NAB1: variants seen among roughly 807,000 people sequenced by gnomAD.
NAB1 encodes NGFI-A binding protein 1.
NAB1 carries 25 observed loss-of-function variants against 49.9 expected under a neutral mutation model. The ratio of observed to expected loss-of-function variants is 0.50; its 90% CI spans 0.37 to 0.70. The LOEUF (loss-of-function observed/expected upper bound fraction) is 0.70, where lower values mean the gene tolerates loss of function less well. NAB1 is among the 30% of genes least tolerant of loss of function. The pLI is 0.00. For synonymous variants in NAB1, 198 were observed against 215.6 expected (o/e 0.92, Z 0.71); for missense variants, 489 against 575.9 (o/e 0.85, Z 1.54).
chr2:190,658,959 C>T (rs766628114), intron 3 of NAB1, 199 bp from the exon 4 acceptor site: 8 of 457,962 alleles, frequency 1.7e-5, no homozygotes, highest in Admixed American at 3.8e-5. Flanking sequence ...TGGGAAAGTA[C>T]GTCAGTTTAG....
At chr2:190,653,024 A>AGAC (rs1162698173) in intron 2 of NAB1, among the ~76,000 whole-genome samples, 1 of 152,214 alleles carries the variant, frequency 6.6e-6, no homozygotes, top group Non-Finnish European at 1.5e-5. Context: ...GTGTGGCCCA[A>AGAC]GACAATTCTT....
intron 4 of NAB1, 53 bp downstream of exon 4, chr2:190,660,048 G>A: frequency 2.7e-6 from 4 of 1,501,010 alleles, no homozygotes; most frequent in South Asian, 2.5e-5. Flanking sequence ...GTTGCTAGTC[G>A]TTAGAGATAA....
intron 3 of NAB1, among the ~76,000 whole-genome samples, chr2:190,658,628 A>G (rs1019705045): frequency 2.7e-4 from 41 of 152,284 alleles, no homozygotes; most frequent in East Asian, 1.9e-4. Flanking sequence ...ACTGAAATCT[A>G]TCTTCCTCTG....
Position 190,689,708 on chromosome 2 carries a change from G to C in NAB1, c.1376-537G>C, listed in dbSNP as rs1559257992. Reference sequence around the variant, plus strand: ...ATCCCTATTTCCCCTACCTTAATATGTCATTGTCGGAAGAACTTTAAAAAA... The same window carrying C: ...ATCCCTATTTCCCCTACCTTAATATCTCATTGTCGGAAGAACTTTAAAAAA... On this transcript the variant is annotated intron_variant, in intron 9 of 9. Transcript: ENST00000337386. The surrounding 1 kb of genome is among the most constrained non-coding windows in gnomAD (Gnocchi z 4.3). 6.6e-6 allele frequency among the ~76,000 whole-genome samples: 1 copy of C among 151,916 alleles called. No homozygotes were observed. The highest frequency in any genetic ancestry group is 1.5e-5 in the Non-Finnish European group (1 of 67,950).
At position 190,677,389 on chromosome 2, in the gene NAB1, T is replaced by A. The variant is rs988114374; in HGVS notation, c.1005+4237T>A. 6.6e-6 allele frequency: 1 copy of A among 152,198 alleles called. No individual in the cohort carries two copies. The allele number at this position is 152,198 out of a possible 1,614,324, so 9.4% of individuals were successfully genotyped here. ...TAGCTTAGGTGTGCCTTAAGGAACC[T>A]ACCATTTGGAATGAAATCTCTAGGG... On this transcript the variant is annotated intron_variant, in intron 6 of 9. Coordinates refer to ENST00000337386, the MANE Select transcript of NAB1 (RefSeq NM_005966.4). This position sits in a 1 kb window ranked among gnomAD's most constrained non-coding sequence, Gnocchi z 5.6.
rs745970121 is a variant in NAB1, at chr2:190,666,676, G to A, written c.820-3650G>A. On this transcript the variant is annotated intron_variant, in intron 4 of 9. Transcript: ENST00000337386. This position sits in a 1 kb window ranked among gnomAD's most constrained non-coding sequence, Gnocchi z 5.6. Reference sequence around the variant, plus strand: ...CCACTGCATTCCAGCCTGGGAGACAGAGTGAGACTCCATCTCAAAAAAAAA... The same window carrying A: ...CCACTGCATTCCAGCCTGGGAGACAAAGTGAGACTCCATCTCAAAAAAAAA... 6.6e-6 allele frequency among the ~76,000 whole-genome samples: 1 copy of A among 151,938 alleles called. No homozygotes were observed. Among genetic ancestry groups the A allele is most frequent in the East Asian group, 1.9e-4 (1 of 5,174 alleles).
rs1694324712 is a variant in NAB1, at chr2:190,663,407, C to G, written c.819+3412C>G. Among the ~76,000 whole-genome samples, 1 of 152,162 alleles carries G rather than the reference C, an allele frequency of 6.6e-6. No homozygotes were observed. The highest frequency in any genetic ancestry group is 2.4e-5 in the African/African-American group (1 of 41,428). ...GCAAACTAGGGTCTGTGTGCCCAGTCTCACTCACCTCCTGTTTTTATAAAT... is the reference window on the plus strand; with the variant it reads ...GCAAACTAGGGTCTGTGTGCCCAGTGTCACTCACCTCCTGTTTTTATAAAT... On this transcript the variant is annotated intron_variant, in intron 4 of 9. Transcript: ENST00000337386. The surrounding 1 kb of genome is among the most constrained non-coding windows in gnomAD (Gnocchi z 4.2).
Position 190,669,087 on chromosome 2 carries a change from C to T in NAB1, c.820-1239C>T, listed in dbSNP as rs1265903911. 6.6e-5 allele frequency among the ~76,000 whole-genome samples: 10 copies of T among 152,138 alleles called. No homozygotes were observed. The highest frequency in any genetic ancestry group is 1.2e-4 in the Non-Finnish European group (8 of 68,024). The stretch of plus-strand genomic sequence containing the variant: ...AGAGTCCATCTGTTGACTGAGATGG[C>T]CACCAAGTGACTGACAGCCAGGAGT... On this transcript the variant is annotated intron_variant, in intron 4 of 9. Transcript: ENST00000337386. This position sits in a 1 kb window ranked among gnomAD's most constrained non-coding sequence, Gnocchi z 4.3.
In NAB1 at chr2:190,680,965, A is replaced by T. The variant is rs1364449760; in HGVS notation, c.1006-2773A>T. On this transcript the variant is annotated intron_variant, in intron 6 of 9. Coordinates refer to ENST00000337386, the MANE Select transcript of NAB1 (RefSeq NM_005966.4). This position sits in a 1 kb window ranked among gnomAD's most constrained non-coding sequence, Gnocchi z 5.2. ...TAAGTACTATTGTTATCCCCATTTTATAGATGAGAAAATAGACACAGAGAG... is the reference window on the plus strand; with the variant it reads ...TAAGTACTATTGTTATCCCCATTTTTTAGATGAGAAAATAGACACAGAGAG... Among the ~76,000 whole-genome samples, 32 of 152,242 alleles carry T rather than the reference A, an allele frequency of 2.1e-4. No individual in the cohort carries two copies. The highest frequency in any genetic ancestry group is 2.6e-4 in the Non-Finnish European group (18 of 68,038).
Position 190,659,003 on chromosome 2 carries a change from T to G in NAB1, c.-19-155T>G, listed in dbSNP as rs543534767. 2 of 571,882 alleles carry G rather than the reference T, an allele frequency of 3.5e-6. No homozygotes were observed. The highest frequency in any genetic ancestry group is 3.1e-6 in the Non-Finnish European group (1 of 327,330). The allele number at this position is 571,882 out of a possible 1,614,324, so 35.4% of individuals were successfully genotyped here. On this transcript the variant is annotated intron_variant, in intron 3 of 9. Transcript: ENST00000337386. This position sits in a 1 kb window ranked among gnomAD's most constrained non-coding sequence, Gnocchi z 6.2. ...CTATAAGGTTTTTAGGAGTTCAGAA[T>G]GAGATAAAGTATGTAGAGAGAATGC...
At chr2:190,664,614 T>TTTTTTG (rs1553548974) in intron 4 of NAB1, among the ~76,000 whole-genome samples, 17 of 111,872 alleles carry the variant, frequency 1.5e-4, no homozygotes, top group South Asian at 3.2e-4. Flanking sequence ...TTTTTTTTTT[T>TTTTTTG]GTAGGGACAG....
chr2:190,666,904 A>G lies in NAB1; in HGVS notation c.820-3422A>G, dbSNP rs1694549780. ...TGCTGCAAGTGACGGGAATATTTTC[A>G]TATTTTCCCAACTGCTTGGGAATAT... On this transcript the variant is annotated intron_variant, in intron 4 of 9. Coordinates refer to ENST00000337386, the MANE Select transcript of NAB1 (RefSeq NM_005966.4). The surrounding 1 kb of genome is among the most constrained non-coding windows in gnomAD (Gnocchi z 5.6). 6.6e-6 allele frequency among the ~76,000 whole-genome samples: 1 copy of G among 152,200 alleles called. No individual in the cohort carries two copies. The highest frequency in any genetic ancestry group is 2.4e-5 in the African/African-American group (1 of 41,444).
At position 190,692,682 on chromosome 2, in the gene NAB1, A is replaced by G. The variant is rs1695983760; in HGVS notation, c.*2349A>G. On this transcript the variant is annotated 3_prime_UTR_variant, in exon 10 of 10. Transcript: ENST00000337386. The surrounding 1 kb of genome is among the most constrained non-coding windows in gnomAD (Gnocchi z 5.2). ...TCTTACACTTTATTGTGCGATGTCCACGTTTTTGTGACTCTTCAAGCTGTT... is the reference window on the plus strand; with the variant it reads ...TCTTACACTTTATTGTGCGATGTCCGCGTTTTTGTGACTCTTCAAGCTGTT... 6.6e-6 allele frequency: 1 copy of G among 152,534 alleles called. No homozygotes were observed. The highest frequency in any genetic ancestry group is 2.4e-5 in the African/African-American group (1 of 41,434). The allele number at this position is 152,534 out of a possible 1,614,324, so 9.4% of individuals were successfully genotyped here. A position where few individuals can be genotyped will look rare whatever the true frequency, so the allele number is the denominator to read the frequency against.
rs762627880 is a variant in NAB1 at position 190,659,879 on chromosome 2, A to G, written c.703A>G (p.Ile235Val). The G allele has an allele frequency of 6.8e-6, 11 of 1,614,102 alleles. No individual in the cohort carries two copies. The highest frequency in any genetic ancestry group is 2.7e-5 in the African/African-American group (2 of 74,932). Residue 235 changes from isoleucine to valine, a missense_variant, in exon 4 of 10, where the codon ATC becomes GTC. Physicochemically the swap from Ile to Val is conservative, Grantham distance 29. Coordinates refer to ENST00000337386, the MANE Select transcript of NAB1 (RefSeq NM_005966.4). The surrounding 1 kb of genome is among the most constrained non-coding windows in gnomAD (Gnocchi z 6.2). ...NKKLAKMIGH[I>V]FEMNDDDPHK... ...GAAGTTGGCCAAAATGATTGGTCAC[A>G]TCTTTGAGATGAACGATGATGATCC...
In NAB1 at chr2:190,676,541, C is replaced by G. The variant is rs368375477; in HGVS notation, c.1005+3389C>G. Among the ~76,000 whole-genome samples, 1 of 152,094 alleles carries G rather than the reference C, an allele frequency of 6.6e-6. No homozygotes were observed. The highest frequency in any genetic ancestry group is 1.5e-5 in the Non-Finnish European group (1 of 68,034). Reference sequence around the variant, plus strand: ...TCCAGGAGTTTGAGACCAGCCTGGGCAACATGGCAAAACCCCATCCTTACA... The same window carrying G: ...TCCAGGAGTTTGAGACCAGCCTGGGGAACATGGCAAAACCCCATCCTTACA... On this transcript the variant is annotated intron_variant, in intron 6 of 9. Coordinates refer to ENST00000337386, the MANE Select transcript of NAB1 (RefSeq NM_005966.4). The surrounding 1 kb of genome is among the most constrained non-coding windows in gnomAD (Gnocchi z 4.6).
chr2:190,688,102 A>G (rs1695709520), intron 9 of NAB1, among the ~76,000 whole-genome samples: 1 of 152,222 alleles, frequency 6.6e-6, no homozygotes, highest in South Asian at 2.1e-4. Context: ...ATTTGAAAGA[A>G]TCTGTTATCA....
At chr2:190,661,169 G>A (rs781221893) in intron 4 of NAB1, among the ~76,000 whole-genome samples, 30 of 152,168 alleles carry the variant, frequency 2.0e-4, no homozygotes, top group Non-Finnish European at 3.5e-4. Context: ...GGGCTCAACT[G>A]ATAGAACTGT....
At position 190,660,008 on chromosome 2, in the gene NAB1, C is replaced by T. The variant is rs375143739; in HGVS notation, c.819+13C>T. ...CACACTTCATGAGGTACAAAGCCCG[C>T]GTTGTTCCTTCTGTGTGTGTATGTG... On this transcript the variant is annotated intron_variant, in intron 4 of 9. Coordinates refer to ENST00000337386, the MANE Select transcript of NAB1 (RefSeq NM_005966.4). 1.6e-5 allele frequency: 25 copies of T among 1,597,992 alleles called. No individual in the cohort carries two copies. Among genetic ancestry groups the T allele is most frequent in the East Asian group, 1.1e-4 (5 of 44,590 alleles).
In NAB1 at chr2:190,677,796, C is replaced by T. The variant is rs1469714681; in HGVS notation, c.1005+4644C>T. Among the ~76,000 whole-genome samples the T allele has an allele frequency of 6.6e-6, 1 of 152,134 alleles. No individual in the cohort carries two copies. Among genetic ancestry groups the T allele is most frequent in the Non-Finnish European group, 1.5e-5 (1 of 68,032 alleles). On this transcript the variant is annotated intron_variant, in intron 6 of 9. Coordinates refer to ENST00000337386, the MANE Select transcript of NAB1 (RefSeq NM_005966.4). This position sits in a 1 kb window ranked among gnomAD's most constrained non-coding sequence, Gnocchi z 5.6. ...CTATCCAGTAGCAGAGCCGGGGCTT[C>T]CTATCTATGTCTGATTCCTGAATGT...
Sources: gnomAD v4.1 joint callset for allele counts (sites outside exome capture counted in the v4.1 genomes callset) on GRCh38, gnomAD v4.1.1 for gene constraint, Gnocchi (gnomAD v3.1) non-coding constraint, MANE v1.5 for transcripts, NCBI Gene and HGNC (gene_info 2026-07-23, HGNC 2026-07-21) for gene names.